The following XKR6 variants were observed in gnomAD, a reference collection of about 807,000 sequenced individuals.
XKR6 encodes the protein XK related 6.
Under a neutral mutation model 56.7 loss-of-function variants are expected in XKR6, and 22 were observed. That is an observed-to-expected ratio of 0.39 (90% CI 0.28 to 0.55). The LOEUF is 0.55. Among genes scored for constraint, XKR6 ranks in the 20% least tolerant of loss-of-function variants. The pLI is 0.66. For missense variants in XKR6, 852 were observed against 889.0 expected (o/e 0.96, Z 0.53); for synonymous variants, 524 against 387.8 (o/e 1.35, Z -4.13).
chr8:11,130,188 T>C (rs1230219837), intron 1 of XKR6, among the ~76,000 whole-genome samples: 1 of 152,104 alleles, frequency 6.6e-6, no homozygotes, highest in Non-Finnish European at 1.5e-5. Flanking sequence ...TGTGTGTATG[T>C]GTGTATGTAT....
At chr8:11,051,475 TC>T (rs1799546768) in intron 1 of XKR6, among the ~76,000 whole-genome samples, 1 of 152,166 alleles carries the variant, frequency 6.6e-6, no homozygotes. Context: ...AGTTTTCCCC[TC>T]CAGGCCTGTT....
chr8:11,043,526 C>G (rs996244885), intron 1 of XKR6, among the ~76,000 whole-genome samples: 2 of 152,260 alleles, frequency 1.3e-5, no homozygotes, highest in Non-Finnish European at 2.9e-5. Flanking sequence ...GCCTCAGTCT[C>G]TGCCCCAGCA....
At chr8:10,912,799 TAGAG>T (rs1244072820) in intron 2 of XKR6, among the ~76,000 whole-genome samples, 9 of 147,590 alleles carry the variant, frequency 6.1e-5, no homozygotes, top group Non-Finnish European at 9.0e-5. Flanking sequence ...TGCATATATA[TAGAG>T]AGAGAGGCGA....
chr8:10,984,695 G>GCTCTCTCT lies in XKR6; in HGVS notation c.765-59873_765-59866dup, dbSNP rs61138077. On this transcript the variant is annotated intron_variant, in intron 1 of 2. Transcript: ENST00000416569. ...AGTAACACAAAAGATAAAATACATGGCTCTCTCTCTCTCTCTCTCTCTCTC... is the reference window on the plus strand; with the variant it reads ...AGTAACACAAAAGATAAAATACATGGCTCTCTCTCTCTCTCTCTCTCTCTCTCTCTCTC... 3.3e-3 allele frequency among the ~76,000 whole-genome samples: 183 copies of GCTCTCTCT among 56,246 alleles called. 3 individuals carry two copies. The highest frequency in any genetic ancestry group is 4.6e-3 in the South Asian group (6 of 1,300). 36.9% of individuals were successfully genotyped at this position (56,246 alleles called of 152,430 possible). A position where few individuals can be genotyped will look rare whatever the true frequency, so the allele number is the denominator to read the frequency against.
chr8:11,146,355 G>A (rs1000663605), intron 1 of XKR6, among the ~76,000 whole-genome samples: 2 of 152,248 alleles, frequency 1.3e-5, no homozygotes, highest in African/African-American at 2.4e-5. Flanking sequence ...GCTAAGTGTG[G>A]TGGCTCATGC....
intron 1 of XKR6, among the ~76,000 whole-genome samples, chr8:11,177,155 A>G (rs190999440): frequency 1.3e-5 from 2 of 152,334 alleles, no homozygotes; most frequent in African/African-American, 4.8e-5. Flanking sequence ...AAACGAGGGC[A>G]CACCACACTT....
At chr8:11,168,305 GAGA>G (rs1554477224) in intron 1 of XKR6, among the ~76,000 whole-genome samples, 3 of 152,198 alleles carry the variant, frequency 2.0e-5, no homozygotes, top group Admixed American at 6.5e-5. Context: ...TGTTGAAGTT[GAGA>G]AGGATACTAT....
chr8:11,190,204 A>AAAGAAAGAAAAG (rs746304600), intron 1 of XKR6, among the ~76,000 whole-genome samples: 5 of 120,924 alleles, frequency 4.1e-5, no homozygotes, highest in Non-Finnish European at 8.5e-5. Context: ...AGAAAGAAAG[A>AAAGAAAGAAAAG]AAAGAAAGAA....
At chr8:10,988,953 C>G (rs1563330729) in intron 1 of XKR6, among the ~76,000 whole-genome samples, 1 of 152,202 alleles carries the variant, frequency 6.6e-6, no homozygotes. Flanking sequence ...AGGCAGAGGA[C>G]AGTATCCTGG....
chr8:11,115,218 A>G (rs1201430619), intron 1 of XKR6, among the ~76,000 whole-genome samples: 2 of 152,224 alleles, frequency 1.3e-5, no homozygotes, highest in Non-Finnish European at 2.9e-5. Flanking sequence ...CTGTCTCTTC[A>G]GTATGAAGCT....
chr8:10,904,386 C>G (rs1261012711), intron 2 of XKR6, among the ~76,000 whole-genome samples: 1 of 152,118 alleles, frequency 6.6e-6, no homozygotes, highest in African/African-American at 2.4e-5. Context: ...AATGGAACGG[C>G]CACATCTTAT....
chr8:11,152,240 C>A (rs1035205844), intron 1 of XKR6, among the ~76,000 whole-genome samples: 5 of 152,138 alleles, frequency 3.3e-5, no homozygotes, highest in Non-Finnish European at 2.9e-5. Flanking sequence ...AGTGTATTAC[C>A]CAAACTTCTC....
In XKR6 at chr8:10,897,969, A is replaced by G; in HGVS notation, c.1909T>C (p.Tyr637His). 1 of 1,589,192 alleles carries G rather than the reference A, an allele frequency of 6.3e-7. No homozygotes were observed. Among genetic ancestry groups the G allele is most frequent in the Non-Finnish European group, 8.6e-7 (1 of 1,168,598 alleles). Residue 637 changes from tyrosine (Y) to histidine (H), a missense_variant, in exon 3 of 3, where the codon TAT (tyrosine) becomes CAT (histidine). Tyr to His is a moderately conservative substitution (Grantham distance 83, BLOSUM62 2). Coordinates refer to ENST00000416569, the MANE Select transcript of XKR6 (RefSeq NM_173683.4). Reference sequence around the variant, plus strand: ...AGATGCTCTTAGAGTGAAGACTCATACTGTAGCAACTCATAGAGGAGTGGT... The same window carrying G: ...AGATGCTCTTAGAGTGAAGACTCATGCTGTAGCAACTCATAGAGGAGTGGT... ...DGPLLYELLQ[Y>H]ESSL
chr8:11,006,729 T>C (rs1378753417), intron 1 of XKR6, among the ~76,000 whole-genome samples: 1 of 152,184 alleles, frequency 6.6e-6, no homozygotes, highest in African/African-American at 2.4e-5. Context: ...ACAGAATTTG[T>C]AGGATTTCTG....
intron 1 of XKR6, among the ~76,000 whole-genome samples, chr8:11,101,191 G>C (rs912983462): frequency 1.3e-5 from 2 of 152,188 alleles, no homozygotes; most frequent in East Asian, 1.9e-4. Flanking sequence ...AGAGATATTT[G>C]GGTAAGTGCA....
chr8:10,914,175 C>T (rs1451956382), intron 2 of XKR6, among the ~76,000 whole-genome samples: 1 of 133,734 alleles, frequency 7.5e-6, no homozygotes, highest in Non-Finnish European at 1.6e-5. Context: ...GTGCCCCCCA[C>T]CCAGCCCACT....
chr8:11,185,166 C>T (rs573147657), intron 1 of XKR6, among the ~76,000 whole-genome samples: 25 of 152,088 alleles, frequency 1.6e-4, no homozygotes, highest in Non-Finnish European at 3.4e-4. Flanking sequence ...GACTGGTGCC[C>T]GCCGTGTGCC....
Position 11,190,860 on chromosome 8 carries a change from G to A in XKR6, c.764+9716C>T, listed in dbSNP as rs1001352723. On this transcript the variant is annotated intron_variant, in intron 1 of 2. Transcript: ENST00000416569. ...AAGCTCACTTCTTCATCTGTAAAATGGGCACAAAATGCTTGTGAAAATTAA... is the reference window on the plus strand; with the variant it reads ...AAGCTCACTTCTTCATCTGTAAAATAGGCACAAAATGCTTGTGAAAATTAA... Among the ~76,000 whole-genome samples the A allele has an allele frequency of 2.0e-5, 3 of 152,152 alleles. No individual in the cohort carries two copies. The East Asian group carries it at 5.8e-4, about 29-fold the overall frequency.
intron 1 of XKR6, among the ~76,000 whole-genome samples, chr8:11,018,013 G>T (rs1415380680): frequency 1.3e-5 from 2 of 152,112 alleles, no homozygotes; most frequent in African/African-American, 4.8e-5. Flanking sequence ...AATGACAAAG[G>T]TGCACAACCC....
Sources: allele counts gnomAD v4.1 joint callset (sites outside exome capture counted in the v4.1 genomes callset), GRCh38; gene constraint gnomAD v4.1.1; transcripts MANE v1.5; gene names NCBI Gene and HGNC (gene_info 2026-07-23, HGNC 2026-07-21).